The following ROBO2 variants were observed in gnomAD, a reference collection of about 807,000 sequenced individuals.
ROBO2 encodes the protein roundabout guidance receptor 2.
A neutral mutation model predicts 160.8 loss-of-function variants in ROBO2; 53 were observed. That is an observed-to-expected ratio of 0.33 (90% CI 0.26 to 0.41). The LOEUF (loss-of-function observed/expected upper bound fraction) is 0.41, where lower values mean the gene tolerates loss of function less well. Ranked by LOEUF, ROBO2 falls within the 10% of genes least tolerant of loss-of-function variation. ROBO2 has a pLI of 1.00. For synonymous variants in ROBO2, 664 were observed against 611.7 expected (o/e 1.09, Z -1.26); for missense variants, 1,577 against 1,722.4 (o/e 0.92, Z 1.49).
intron 2 of ROBO2, among the ~76,000 whole-genome samples, chr3:76,958,814 T>C (rs898436013): frequency 8.6e-5 from 13 of 151,968 alleles, no homozygotes; most frequent in African/African-American, 2.9e-4. Flanking sequence ...AACATCCTTT[T>C]TGTCCATCGT....
At chr3:77,596,922 A>C (rs2094318755) in intron 19 of ROBO2, among the ~76,000 whole-genome samples, 172 bp downstream of exon 20, 1 of 152,136 alleles carries the variant, frequency 6.6e-6, no homozygotes, top group Admixed American at 6.6e-5. Flanking sequence ...TTTTAATATA[A>C]AACGATTGTA....
intron 2 of ROBO2, among the ~76,000 whole-genome samples, chr3:76,234,025 A>G (rs900231029): frequency 3.3e-5 from 5 of 152,068 alleles, no homozygotes; most frequent in Admixed American, 1.3e-4. Flanking sequence ...CTTTGTGTTG[A>G]TATGTATTTG....
intron 25 of ROBO2, 84 bp from the exon 28 acceptor site, chr3:77,645,969 CT>C: frequency 2.2e-6 from 2 of 905,372 alleles, no homozygotes; most frequent in Non-Finnish European, 3.4e-6. Context: ...CATTGATTAT[CT>C]GTTGGCTTTG....
chr3:76,100,652 G>A (rs2069646051), intron 2 of ROBO2, among the ~76,000 whole-genome samples: 1 of 152,104 alleles, frequency 6.6e-6, no homozygotes, highest in South Asian at 2.1e-4. Context: ...CATAAAATAT[G>A]CACTGAAGCC....
intron 23 of ROBO2, chr3:77,630,078 C>T (rs1391070842): frequency 6.6e-6 from 1 of 152,070 alleles, no homozygotes; most frequent in East Asian, 1.9e-4. Context: ...ACAGAAATGG[C>T]ATTTAATTTA....
At chr3:76,410,567 A>G (rs1375362894) in intron 2 of ROBO2, among the ~76,000 whole-genome samples, 5 of 152,146 alleles carry the variant, frequency 3.3e-5, no homozygotes, top group African/African-American at 1.2e-4. Flanking sequence ...GACCACTGAT[A>G]TTAGATTCCT....
intron 2 of ROBO2, among the ~76,000 whole-genome samples, chr3:77,183,055 A>G (rs2080941331): frequency 6.6e-6 from 1 of 152,088 alleles, no homozygotes; most frequent in Non-Finnish European, 1.5e-5. Context: ...GTCAGGCTCC[A>G]GACTGTCTCT....
intron 2 of ROBO2, among the ~76,000 whole-genome samples, chr3:76,095,077 C>G (rs556766626): frequency 3.3e-5 from 5 of 152,114 alleles, no homozygotes; most frequent in Admixed American, 3.3e-4. Context: ...ATGGAAGACA[C>G]ACTAAAAAAG....
At chr3:77,622,381 C>T in exon 23 of ROBO2, 3 of 1,613,948 alleles carry the variant, frequency 1.9e-6, no homozygotes, top group South Asian at 1.1e-5. Flanking sequence ...CCTGAGAGCA[C>T]TGGACCAGAC....
At chr3:77,071,207 A>G (rs1223403289) in intron 1 of ROBO2, among the ~76,000 whole-genome samples, 1 of 152,170 alleles carries the variant, frequency 6.6e-6, no homozygotes, top group Non-Finnish European at 1.5e-5. Flanking sequence ...TTCTCTTTCT[A>G]AGAAGGAATA....
chr3:76,906,888 A>C (rs1046875913), intron 2 of ROBO2, among the ~76,000 whole-genome samples: 7 of 152,146 alleles, frequency 4.6e-5, no homozygotes, highest in African/African-American at 1.7e-4. Flanking sequence ...TTTTGAATTC[A>C]TATTTGGTTA....
intron 2 of ROBO2, among the ~76,000 whole-genome samples, chr3:76,942,212 C>G (rs967742853): frequency 6.6e-6 from 1 of 152,190 alleles, no homozygotes; most frequent in African/African-American, 2.4e-5. Context: ...TGTTGAAACT[C>G]ACTGATTTGT....
chr3:77,116,770 G>A lies in ROBO2; in HGVS notation c.388+18430G>A, dbSNP rs894600336. Among the ~76,000 whole-genome samples the A allele has an allele frequency of 3.3e-5, 5 of 151,984 alleles. No individual in the cohort carries two copies. The East Asian group carries it at 5.8e-4, about 18-fold the overall frequency. On this transcript the variant is annotated intron_variant, in intron 2 of 25. Transcript: ENST00000461745. ...CTGTGCTATGCTTGGCAAGTCTTTC[G>A]CCTTAGCCCAGGGCAGCCTTTGGTA...
chr3:75,967,403 A>T (rs769172605), intron 2 of ROBO2, among the ~76,000 whole-genome samples: 7 of 151,654 alleles, frequency 4.6e-5, no homozygotes, highest in Non-Finnish European at 7.4e-5. Flanking sequence ...TCAACTTTCT[A>T]TAACTGGAGA....
intron 5 of ROBO2, among the ~76,000 whole-genome samples, chr3:77,520,665 A>C (rs2090500803): frequency 6.6e-6 from 1 of 151,246 alleles, no homozygotes; most frequent in South Asian, 2.1e-4. Flanking sequence ...TCAGACAACA[A>C]GAATAAATAG....
At chr3:77,430,870 A>G (rs1018457450) in intron 2 of ROBO2, among the ~76,000 whole-genome samples, 5 of 152,188 alleles carry the variant, frequency 3.3e-5, no homozygotes, top group Admixed American at 2.6e-4. Flanking sequence ...TGATGATCTC[A>G]AGATTCTGTC....
chr3:77,632,362 T>C, intron 23 of ROBO2: 3 of 781,144 alleles, frequency 3.8e-6, no homozygotes, highest in Non-Finnish European at 5.7e-6. Flanking sequence ...GAAATCATGA[T>C]GAAACTTCAA....
At chr3:77,445,975 T>C (rs2080465727) in intron 2 of ROBO2, among the ~76,000 whole-genome samples, 1 of 151,992 alleles carries the variant, frequency 6.6e-6, no homozygotes, top group Non-Finnish European at 1.5e-5. Context: ...CATTTAGACT[T>C]ATGCCTTTAT....
At chr3:76,339,515 A>G (rs950610676) in intron 2 of ROBO2, among the ~76,000 whole-genome samples, 41 of 152,178 alleles carry the variant, frequency 2.7e-4, no homozygotes, top group Non-Finnish European at 5.0e-4. Context: ...TTGACCTGGG[A>G]GTTTATCTTT....
Sources: gnomAD v4.1 joint callset for allele counts (sites outside exome capture counted in the v4.1 genomes callset) on GRCh38, gnomAD v4.1.1 for gene constraint, MANE v1.5 for transcripts, NCBI Gene and HGNC (gene_info 2026-07-23, HGNC 2026-07-21) for gene names.